GPR158: variants seen among roughly 807,000 people sequenced by gnomAD.
GPR158 encodes metabotropic glycine receptor.
Under a neutral mutation model 78.2 loss-of-function variants are expected in GPR158, and 30 were observed. That is an observed-to-expected ratio of 0.38 (90% CI 0.29 to 0.52). The LOEUF (loss-of-function observed/expected upper bound fraction) is 0.52. GPR158 is among the 20% of genes least tolerant of loss of function. GPR158 has a pLI of 0.83. For missense variants in GPR158, 1,463 were observed against 1,523.5 expected, an observed-to-expected ratio of 0.96 and a Z score of 0.66; for synonymous variants, 581 against 591.1, an observed-to-expected ratio of 0.98 and a Z score of 0.25.
rs1464146640 is a variant in GPR158 at position 25,175,645 on chromosome 10, C to G, written c.225C>G (p.Ala75=). Residue 75 remains alanine, a synonymous_variant, in exon 1 of 11, where the codon GCC becomes GCG. Coordinates refer to ENST00000376351, the MANE Select transcript of GPR158 (RefSeq NM_020752.3). The surrounding 1 kb of genome is among the most constrained non-coding windows in gnomAD (Gnocchi z 6.4). ...TDGTILAQKL[A]EEVPMDVASY... ...GCACCATCTTGGCGCAGAAACTCGC[C>G]GAGGAGGTGCCCATGGACGTGGCCT... 6.2e-7 allele frequency: 1 copy of G among 1,611,350 alleles called. No homozygotes were observed.
intron 2 of GPR158, among the ~76,000 whole-genome samples, chr10:25,314,831 A>G (rs978447543): frequency 7.5e-6 from 1 of 133,508 alleles, no homozygotes; most frequent in Non-Finnish European, 1.5e-5. Flanking sequence ...CTTTAGTCAT[A>G]CATATACACG....
At chr10:25,469,457 C>G (rs1835464791) in intron 5 of GPR158, among the ~76,000 whole-genome samples, 1 of 152,068 alleles carries the variant, frequency 6.6e-6, no homozygotes, top group Non-Finnish European at 1.5e-5. Flanking sequence ...TTATTGATAC[C>G]ACTCTTTCTC....
chr10:25,427,867 T>C (rs1351595955), intron 4 of GPR158, among the ~76,000 whole-genome samples: 1 of 152,106 alleles, frequency 6.6e-6, no homozygotes, highest in African/African-American at 2.4e-5. Flanking sequence ...CCATTTAATA[T>C]AATAACCAGT....
chr10:25,365,668 A>G (rs565861903), intron 2 of GPR158, among the ~76,000 whole-genome samples: 1 of 151,708 alleles, frequency 6.6e-6, no homozygotes, highest in Non-Finnish European at 1.5e-5. Context: ...TAAAAAATAC[A>G]ATTTCTTTGA....
At chr10:25,251,710 A>T (rs376464824) in intron 2 of GPR158, among the ~76,000 whole-genome samples, 1 of 151,210 alleles carries the variant, frequency 6.6e-6, no homozygotes, top group African/African-American at 2.4e-5. Flanking sequence ...CTTCCCTTTG[A>T]GGGTAACCCG....
intron 5 of GPR158, chr10:25,476,070 G>A (rs1478581365): frequency 6.6e-6 from 1 of 152,078 alleles, no homozygotes; most frequent in Non-Finnish European, 1.5e-5. Context: ...ACCAAAATCT[G>A]ACTAAATTTA....
rs759116074 is a variant in GPR158 at position 25,596,751 on chromosome 10, G to C, written c.2107G>C (p.Ala703Pro). The C allele has an allele frequency of 3.7e-6, 6 of 1,613,750 alleles. No individual in the cohort carries two copies. In the South Asian group the frequency reaches 6.6e-5, roughly 18 times the overall value. Residue 703 changes from alanine (A) to proline (P), a missense_variant, in exon 10 of 11, where the codon GCC becomes CCC. Coordinates refer to ENST00000376351, the MANE Select transcript of GPR158 (RefSeq NM_020752.3). Reference protein sequence around the residue: ...GSYLNSSINSAWSEHSLDPED... With the variant: ...GSYLNSSINSPWSEHSLDPED... Reference sequence around the variant, plus strand: ...CTACCTGAACAGCAGTATCAATTCAGCCTGGAGTGAGCACAGCTTGGATCC... The same window carrying C: ...CTACCTGAACAGCAGTATCAATTCACCCTGGAGTGAGCACAGCTTGGATCC...
intron 2 of GPR158, among the ~76,000 whole-genome samples, chr10:25,301,221 AGG>A (rs1854589516): frequency 6.6e-6 from 1 of 152,188 alleles, no homozygotes; most frequent in Non-Finnish European, 1.5e-5. Context: ...TTATTCTGTA[AGG>A]TTTTTCAACG....
rs563395204 is a variant in GPR158 at position 25,209,259 on chromosome 10, T to G, written c.903-11793T>G. 6.6e-5 allele frequency among the ~76,000 whole-genome samples: 10 copies of G among 152,362 alleles called. No individual in the cohort carries two copies. In the South Asian group the frequency reaches 1.9e-3, roughly 28 times the overall value. The stretch of plus-strand genomic sequence containing the variant: ...TTCTTTTTGACTACTGTTAGATCTA[T>G]GTACCACTCTATCTCTTCCTCTTAT... On this transcript the variant is annotated intron_variant, in intron 1 of 10. Coordinates refer to ENST00000376351, the MANE Select transcript of GPR158 (RefSeq NM_020752.3).
At chr10:25,544,465 C>A (rs2130706598) in intron 5 of GPR158, among the ~76,000 whole-genome samples, 1 of 152,088 alleles carries the variant, frequency 6.6e-6, no homozygotes, top group African/African-American at 2.4e-5. Flanking sequence ...ATATTTTGGA[C>A]CCTAAATATA....
At chr10:25,416,530 T>G (rs1459994204) in intron 4 of GPR158, among the ~76,000 whole-genome samples, 1 of 152,150 alleles carries the variant, frequency 6.6e-6, no homozygotes, top group East Asian at 1.9e-4. Context: ...AAACCTCTCC[T>G]GGGTATTGAT....
chr10:25,472,114 T>C (rs976909281), intron 5 of GPR158, among the ~76,000 whole-genome samples: 27 of 152,320 alleles, frequency 1.8e-4, no homozygotes, highest in African/African-American at 6.3e-4. Flanking sequence ...TTTAAGTCTT[T>C]AATCCATTTT....
intron 1 of GPR158, among the ~76,000 whole-genome samples, chr10:25,193,985 GAC>G (rs1852811072): frequency 6.6e-6 from 1 of 151,860 alleles, no homozygotes; most frequent in Non-Finnish European, 1.5e-5. Context: ...ATGTTTTCAA[GAC>G]ACACATAGCA....
chr10:25,385,619 A>C (rs1204766882), intron 2 of GPR158, among the ~76,000 whole-genome samples: 1 of 152,100 alleles, frequency 6.6e-6, no homozygotes, highest in Non-Finnish European at 1.5e-5. Flanking sequence ...CCACATCCTC[A>C]GAAACATTTA....
intron 2 of GPR158, among the ~76,000 whole-genome samples, chr10:25,270,978 G>T (rs1474020747): frequency 6.6e-6 from 1 of 152,176 alleles, no homozygotes; most frequent in African/African-American, 2.4e-5. Context: ...ACGCTGGCCT[G>T]GCCACTTTTT....
intron 2 of GPR158, among the ~76,000 whole-genome samples, chr10:25,284,864 AT>A (rs573446349): frequency 6.6e-6 from 1 of 152,234 alleles, no homozygotes; most frequent in East Asian, 1.9e-4. Context: ...CTGTTTCAAT[AT>A]AGTATAAATA....
intron 5 of GPR158, among the ~76,000 whole-genome samples, chr10:25,513,791 T>C (rs1836121263): frequency 6.6e-6 from 1 of 152,118 alleles, no homozygotes; most frequent in Admixed American, 6.6e-5. Flanking sequence ...GATCATTCAG[T>C]AGCAGGTTAT....
At chr10:25,543,645 C>G (rs1320839252) in intron 5 of GPR158, among the ~76,000 whole-genome samples, 1 of 152,108 alleles carries the variant, frequency 6.6e-6, no homozygotes, top group Non-Finnish European at 1.5e-5. Flanking sequence ...TTTTCCAAAT[C>G]CCCTTTGTCT....
At chr10:25,311,343 C>T (rs1246424159) in intron 2 of GPR158, among the ~76,000 whole-genome samples, 15 of 151,810 alleles carry the variant, frequency 9.9e-5, no homozygotes, top group Admixed American at 9.8e-4. Flanking sequence ...TATTCTATAT[C>T]CCTCAGATAT....
Sources: gnomAD v4.1 joint callset for allele counts (sites outside exome capture counted in the v4.1 genomes callset) on GRCh38, gnomAD v4.1.1 for gene constraint, Gnocchi (gnomAD v3.1) non-coding constraint, MANE v1.5 for transcripts, NCBI Gene and HGNC (gene_info 2026-07-23, HGNC 2026-07-21) for gene names.